Variants in GMDS observed in about 807,000 individuals in gnomAD.
The protein encoded by GMDS is GDP-mannose 4,6 dehydratase.
Under a neutral mutation model 49.9 loss-of-function variants are expected in GMDS, and 20 were observed. The ratio of observed to expected loss-of-function variants is 0.40; its 90% CI spans 0.28 to 0.58. The LOEUF is 0.58. Ranked by LOEUF, GMDS falls within the 20% of genes least tolerant of loss-of-function variation. The probability of loss-of-function intolerance (pLI) is 0.42; values close to 1 mark genes in which losing one functional copy is unlikely to be tolerated. For missense variants in GMDS, 362 were observed against 481.4 expected (o/e 0.75, Z 2.32); for synonymous variants, 177 against 178.6 (o/e 0.99, Z 0.07).
intron 4 of GMDS, among the ~76,000 whole-genome samples, chr6:2,054,775 G>A (rs908174031): frequency 2.0e-5 from 3 of 151,610 alleles, no homozygotes. Flanking sequence ...AAACATTGTT[G>A]GAACAAATGT....
chr6:2,031,753 CAG>C (rs1448094119), intron 4 of GMDS, among the ~76,000 whole-genome samples: 1 of 152,190 alleles, frequency 6.6e-6, no homozygotes, highest in African/African-American at 2.4e-5. Flanking sequence ...AGCTGAGGAG[CAG>C]AGTGACTGTG....
At chr6:1,967,140 G>A (rs542540044) in intron 4 of GMDS, among the ~76,000 whole-genome samples, 3 of 152,136 alleles carry the variant, frequency 2.0e-5, no homozygotes, top group East Asian at 3.9e-4. Flanking sequence ...TGCCTCCCTC[G>A]CTAAAAACAT....
At chr6:1,645,933 A>G (rs1763469306) in intron 9 of GMDS, among the ~76,000 whole-genome samples, 1 of 152,186 alleles carries the variant, frequency 6.6e-6, no homozygotes, top group South Asian at 2.1e-4. Context: ...GCCTCCCTAG[A>G]ACATCAGTGC....
At chr6:1,647,000 C>T (rs1763505637) in intron 9 of GMDS, among the ~76,000 whole-genome samples, 1 of 152,202 alleles carries the variant, frequency 6.6e-6, no homozygotes, top group African/African-American at 2.4e-5. Context: ...AGCCAGGCCT[C>T]TTGCCCCTTC....
At chr6:2,124,373 A>G (rs1179187213) in intron 2 of GMDS, among the ~76,000 whole-genome samples, 2 of 152,326 alleles carry the variant, frequency 1.3e-5, no homozygotes, top group Non-Finnish European at 2.9e-5. Context: ...TATGAAACAC[A>G]TTACATCATA....
intron 7 of GMDS, among the ~76,000 whole-genome samples, chr6:1,767,186 T>C (rs940259394): frequency 6.6e-6 from 1 of 152,176 alleles, no homozygotes; most frequent in Non-Finnish European, 1.5e-5. Flanking sequence ...ACCGGAAACA[T>C]ATTTTCCACC....
intron 7 of GMDS, among the ~76,000 whole-genome samples, chr6:1,779,833 C>T (rs1318072649): frequency 1.3e-5 from 2 of 152,198 alleles, no homozygotes; most frequent in African/African-American, 2.4e-5. Flanking sequence ...GTGCACAGAG[C>T]GGAGTGGAAG....
intron 4 of GMDS, among the ~76,000 whole-genome samples, chr6:1,983,921 G>C (rs544596984): frequency 7.9e-5 from 12 of 152,122 alleles, no homozygotes; most frequent in Admixed American, 7.9e-4. Flanking sequence ...ACATGCATGC[G>C]TATGTTCAGT....
chr6:1,895,470 T>G (rs1187808342), intron 7 of GMDS, among the ~76,000 whole-genome samples: 1 of 152,198 alleles, frequency 6.6e-6, no homozygotes, highest in Non-Finnish European at 1.5e-5. Context: ...CCATTTAAGA[T>G]AATATCAATT....
chr6:1,892,945 G>A (rs939896352), intron 7 of GMDS, among the ~76,000 whole-genome samples: 2 of 152,118 alleles, frequency 1.3e-5, no homozygotes, highest in Non-Finnish European at 2.9e-5. Context: ...CCTCTCCAGC[G>A]GCCTGTGCAG....
intron 4 of GMDS, among the ~76,000 whole-genome samples, chr6:2,050,068 T>TA (rs1032830711): frequency 5.9e-5 from 9 of 151,782 alleles, no homozygotes; most frequent in South Asian, 2.1e-4. Context: ...AAAAACCCTT[T>TA]AAAAAATCAC....
chr6:1,701,798 T>C (rs940951445), intron 9 of GMDS, among the ~76,000 whole-genome samples: 2 of 152,162 alleles, frequency 1.3e-5, no homozygotes, highest in Non-Finnish European at 2.9e-5. Context: ...TGCCTATTTC[T>C]GTAAGTTTAA....
At chr6:2,124,351 GTAGGAC>G (rs1182921503) in intron 2 of GMDS, among the ~76,000 whole-genome samples, 1 of 152,210 alleles carries the variant, frequency 6.6e-6, no homozygotes, top group African/African-American at 2.4e-5. Context: ...TTCATGGTGA[GTAGGAC>G]TTTCTTATGA....
chr6:2,061,717 T>TAAA (rs1771187338), intron 4 of GMDS, among the ~76,000 whole-genome samples: 1 of 24,854 alleles, frequency 4.0e-5, no homozygotes, highest in African/African-American at 1.5e-4. Flanking sequence ...AGACTCTGTC[T>TAAA]CAAAAAAAAA....
At chr6:1,915,152 G>C (rs929673285) in intron 7 of GMDS, among the ~76,000 whole-genome samples, 2 of 152,252 alleles carry the variant, frequency 1.3e-5, no homozygotes, top group African/African-American at 4.8e-5. Flanking sequence ...TTCCCATAAA[G>C]AAGCTGGACA....
chr6:1,678,419 G>C (rs1764689892), intron 9 of GMDS, among the ~76,000 whole-genome samples: 1 of 152,126 alleles, frequency 6.6e-6, no homozygotes, highest in Non-Finnish European at 1.5e-5. Flanking sequence ...TCTCAGATTT[G>C]AGCAGCCTGG....
At chr6:1,960,091 G>C in intron 5 of GMDS, 120 bp from the exon 6 acceptor site, 1 of 535,174 alleles carries the variant, frequency 1.9e-6, no homozygotes, top group Non-Finnish European at 3.4e-6. Context: ...ATACAAAAAA[G>C]TATCAAAACC....
At chr6:1,724,204 G>T (rs1249127904) in intron 9 of GMDS, among the ~76,000 whole-genome samples, 4 of 152,210 alleles carry the variant, frequency 2.6e-5, no homozygotes, top group Non-Finnish European at 5.9e-5. Flanking sequence ...GGAAGCTCAG[G>T]AGAGAGCCAA....
chr6:1,866,257 C>T (rs1561853906), intron 7 of GMDS, among the ~76,000 whole-genome samples: 1 of 152,308 alleles, frequency 6.6e-6, no homozygotes, highest in Non-Finnish European at 1.5e-5. Flanking sequence ...AAATATTAGA[C>T]AGTGCATGTG....
Sources: allele counts gnomAD v4.1 joint callset (sites outside exome capture counted in the v4.1 genomes callset), GRCh38; gene constraint gnomAD v4.1.1; transcripts MANE v1.5; gene names NCBI Gene and HGNC (gene_info 2026-07-23, HGNC 2026-07-21).